Variants in ANO10 observed in about 807,000 individuals in gnomAD.
The protein encoded by ANO10 is anoctamin 10, also known as anoctamin-10.
ANO10 carries 77 observed loss-of-function variants against 74.7 expected under a neutral mutation model. The observed-to-expected ratio is 1.03, with a 90% CI of 0.86 to 1.25. The LOEUF is 1.25. Ranked by LOEUF, ANO10 falls within the 50% of genes most tolerant of loss-of-function variation. ANO10 has a pLI of 0.00. For missense variants in ANO10, 721 were observed against 778.1 expected (o/e 0.93, Z 0.87); for synonymous variants, 279 against 284.9 (o/e 0.98, Z 0.21).
At chr3:43,476,366 T>C (rs1203923275) in intron 11 of ANO10, among the ~76,000 whole-genome samples, 1 of 152,186 alleles carries the variant, frequency 6.6e-6, no homozygotes, top group Non-Finnish European at 1.5e-5. Flanking sequence ...AAAGAGTCTC[T>C]ACCTCTTCTA....
intron 12 of ANO10, among the ~76,000 whole-genome samples, chr3:43,425,469 T>C (rs915742728): frequency 1.3e-5 from 2 of 151,924 alleles, no homozygotes; most frequent in African/African-American, 2.4e-5. Flanking sequence ...AAACCAAAAA[T>C]AAAATCCTAA....
chr3:43,588,509 T>G (rs2081579361), intron 4 of ANO10, among the ~76,000 whole-genome samples: 1 of 151,356 alleles, frequency 6.6e-6, no homozygotes, highest in Non-Finnish European at 1.5e-5. Context: ...GCACAAAATA[T>G]GTCATTTATT....
intron 3 of ANO10, among the ~76,000 whole-genome samples, chr3:43,599,601 T>C (rs781381268): frequency 2.4e-4 from 36 of 152,292 alleles, no homozygotes; most frequent in Non-Finnish European, 4.3e-4. Flanking sequence ...TGTTTTCTTG[T>C]AGAGTTAGAA....
At chr3:43,397,230 T>C (rs568172291) in intron 12 of ANO10, among the ~76,000 whole-genome samples, 1 of 152,256 alleles carries the variant, frequency 6.6e-6, no homozygotes, top group Non-Finnish European at 1.5e-5. Flanking sequence ...TGCCCAGCCC[T>C]GTAGTTTTTA....
Position 43,517,229 on chromosome 3 carries a change from A to G in ANO10, c.1797+32491T>C, listed in dbSNP as rs540491563. Among the ~76,000 whole-genome samples, 6 of 152,362 alleles carry G rather than the reference A, an allele frequency of 3.9e-5. No individual in the cohort carries two copies. In the East Asian group the frequency reaches 1.2e-3, roughly 29 times the overall value. On this transcript the variant is annotated intron_variant, in intron 11 of 12. Coordinates refer to ENST00000292246, the MANE Select transcript of ANO10 (RefSeq NM_018075.5). Reference sequence around the variant, plus strand: ...GATTATATGAATTTGATAAATATTCAAACATTTGTAACCTAAAGCAAATTT... The same window carrying G: ...GATTATATGAATTTGATAAATATTCGAACATTTGTAACCTAAAGCAAATTT...
chr3:43,391,082 G>C (rs2092262663), intron 12 of ANO10, among the ~76,000 whole-genome samples: 1 of 152,186 alleles, frequency 6.6e-6, no homozygotes, highest in Non-Finnish European at 1.5e-5. Flanking sequence ...TCTCTCTGCA[G>C]CATGTTTTCT....
chr3:43,500,763 C>G (rs1390291268), intron 11 of ANO10, among the ~76,000 whole-genome samples: 1 of 152,158 alleles, frequency 6.6e-6, no homozygotes, highest in Non-Finnish European at 1.5e-5. Flanking sequence ...AGAAATTATC[C>G]TAATAAATAT....
At chr3:43,574,302 G>A (rs139175163) in intron 7 of ANO10, among the ~76,000 whole-genome samples, 1,670 of 144,718 alleles carry the variant, frequency 0.012, 25 homozygotes, top group African/African-American at 0.037. Flanking sequence ...ACAGAGTCTC[G>A]CTCTGTCACC....
At chr3:43,441,338 G>A (rs1408089610) in intron 11 of ANO10, among the ~76,000 whole-genome samples, 1 of 151,474 alleles carries the variant, frequency 6.6e-6, no homozygotes, top group Non-Finnish European at 1.5e-5. Context: ...AATGTAAGAA[G>A]AAACATTACA....
chr3:43,378,584 A>G (rs1200171116), intron 12 of ANO10, among the ~76,000 whole-genome samples: 1 of 152,232 alleles, frequency 6.6e-6, no homozygotes, highest in East Asian at 1.9e-4. Context: ...TATTATGAGT[A>G]AAACAAAATT....
chr3:43,438,967 A>G (rs1341613718), intron 11 of ANO10, among the ~76,000 whole-genome samples: 4 of 152,148 alleles, frequency 2.6e-5, no homozygotes, highest in Non-Finnish European at 5.9e-5. Context: ...AAATGGGAAC[A>G]GAACTTAATT....
At chr3:43,643,683 C>T (rs58859963) in intron 1 of ANO10, among the ~76,000 whole-genome samples, 7,660 of 104,210 alleles carry the variant, frequency 0.074, 757 homozygotes, top group African/African-American at 0.25. Flanking sequence ...CTCATCTTTT[C>T]TTTTTTTTTT....
chr3:43,690,446 G>C (rs1018223503), intron 1 of ANO10: 1 of 152,944 alleles, frequency 6.5e-6, no homozygotes, highest in African/African-American at 2.4e-5. Context: ...TCAGCACCTA[G>C]AGCAGTGCTC....
intron 5 of ANO10, 26 bp downstream of exon 5, chr3:43,580,327 T>C: frequency 6.2e-7 from 1 of 1,613,232 alleles, no homozygotes; most frequent in Non-Finnish European, 8.5e-7. Context: ...TTCCTCTTCT[T>C]TAAGAGAACA....
chr3:43,618,428 C>T (rs1184025831), intron 1 of ANO10, among the ~76,000 whole-genome samples: 1 of 152,202 alleles, frequency 6.6e-6, no homozygotes, highest in East Asian at 1.9e-4. Context: ...TCTCATTACC[C>T]CAGATACTGC....
chr3:43,448,797 T>G (rs1294499093), intron 11 of ANO10, among the ~76,000 whole-genome samples: 1 of 152,210 alleles, frequency 6.6e-6, no homozygotes, highest in Non-Finnish European at 1.5e-5. Context: ...GCTGTACCAT[T>G]TTGCATTTGC....
chr3:43,458,596 A>G (rs1456881231), intron 11 of ANO10, among the ~76,000 whole-genome samples: 2 of 152,218 alleles, frequency 1.3e-5, no homozygotes, highest in African/African-American at 2.4e-5. Context: ...CACCATAGAC[A>G]AGAAATGCAG....
chr3:43,659,587 C>G (rs1004912858), intron 1 of ANO10, among the ~76,000 whole-genome samples: 1 of 152,172 alleles, frequency 6.6e-6, no homozygotes. Context: ...TGGAACTGGG[C>G]GGGGCCCACT....
At chr3:43,437,617 G>C (rs188644154) in intron 11 of ANO10, among the ~76,000 whole-genome samples, 1 of 152,094 alleles carries the variant, frequency 6.6e-6, no homozygotes. Context: ...CTTGCAGTAC[G>C]GCAGACAGAT....
Sources: allele counts gnomAD v4.1 joint callset (sites outside exome capture counted in the v4.1 genomes callset), GRCh38; gene constraint gnomAD v4.1.1; transcripts MANE v1.5; gene names NCBI Gene and HGNC (gene_info 2026-07-23, HGNC 2026-07-21).